Variants in MATN2 observed in about 807,000 individuals in gnomAD.
The protein encoded by MATN2 is matrilin-2.
In MATN2, 69 loss-of-function variants were observed where a neutral mutation model predicts 103.2. The ratio of observed to expected loss-of-function variants is 0.67; its 90% CI spans 0.55 to 0.82. The LOEUF (loss-of-function observed/expected upper bound fraction) is 0.82. Ranked by LOEUF, MATN2 falls within the 40% of genes least tolerant of loss-of-function variation. The pLI, the probability that MATN2 is intolerant of heterozygous loss-of-function variation, is 0.00. For synonymous variants in MATN2, 429 were observed against 450.2 expected, an observed-to-expected ratio of 0.95 and a Z score of 0.60; for missense variants, 1,023 against 1,211.5, an observed-to-expected ratio of 0.84 and a Z score of 2.31.
intron 2 of MATN2, among the ~76,000 whole-genome samples, chr8:97,918,040 G>A (rs1809691285): frequency 6.6e-6 from 1 of 152,140 alleles, no homozygotes; most frequent in Non-Finnish European, 1.5e-5. Flanking sequence ...AGCTGAGACT[G>A]CACCACTGCA....
At chr8:97,881,701 G>A (rs904864878) in intron 1 of MATN2, among the ~76,000 whole-genome samples, 1 of 152,082 alleles carries the variant, frequency 6.6e-6, no homozygotes, top group Admixed American at 6.6e-5. Context: ...TTTCCAGTTA[G>A]AAATGGGTCC....
chr8:98,018,327 T>C (rs963179549), intron 12 of MATN2, among the ~76,000 whole-genome samples: 1 of 152,126 alleles, frequency 6.6e-6, no homozygotes. Flanking sequence ...TTTGGGTTCT[T>C]TGCTTCTCTT....
intron 2 of MATN2, among the ~76,000 whole-genome samples, chr8:97,910,769 TG>T (rs1266324607): frequency 1.3e-5 from 2 of 152,150 alleles, no homozygotes; most frequent in East Asian, 3.9e-4. Flanking sequence ...TGTGTGACCT[TG>T]GGCAAATAAA....
chr8:98,015,157 C>T (rs986592369), intron 10 of MATN2, among the ~76,000 whole-genome samples: 1 of 152,176 alleles, frequency 6.6e-6, no homozygotes, highest in Admixed American at 6.5e-5. Flanking sequence ...TCCATATGGG[C>T]TCTTTGTATT....
chr8:97,938,093 G>A (rs1242751762), intron 3 of MATN2, among the ~76,000 whole-genome samples: 1 of 152,106 alleles, frequency 6.6e-6, no homozygotes, highest in East Asian at 1.9e-4. Context: ...AAGAAGACAG[G>A]CACCAGGTAC....
Position 97,931,363 on chromosome 8 carries a change from C to T in MATN2, c.553C>T (p.Arg185Trp), listed in dbSNP as rs774646380. The T allele has an allele frequency of 2.1e-5, 34 of 1,613,816 alleles. No homozygotes were observed. The East Asian group carries it at 3.8e-4, about 18-fold the overall frequency. The change falls in exon 3 of 19, where the codon CGG becomes TGG. Residue 185 changes from arginine (R) to tryptophan (W), a missense_variant. Coordinates refer to ENST00000254898, the MANE Select transcript of MATN2 (RefSeq NM_002380.5). The surrounding 1 kb of genome is among the most constrained non-coding windows in gnomAD (Gnocchi z 4.1). ...CGTGGCCGAGGTGGCTGCTAAGGCA[C>T]GGGACACGGGCATCCTAATCTTTGC... The part of the protein sequence containing the change: ...DSVAEVAAKA[R>W]DTGILIFAIG...
At chr8:98,029,253 C>T (rs1368262281) in intron 14 of MATN2, among the ~76,000 whole-genome samples, 1 of 152,220 alleles carries the variant, frequency 6.6e-6, no homozygotes, top group Non-Finnish European at 1.5e-5. Context: ...GATTGTAAAA[C>T]TGGCTGTTCA....
intron 3 of MATN2, among the ~76,000 whole-genome samples, chr8:97,938,301 A>G (rs1047269490): frequency 1.3e-5 from 2 of 152,240 alleles, no homozygotes; most frequent in Non-Finnish European, 2.9e-5. Flanking sequence ...ATGCAAATTA[A>G]AAGTGGGATA....
intron 5 of MATN2, among the ~76,000 whole-genome samples, chr8:97,963,262 C>T (rs1232291269): frequency 1.3e-5 from 2 of 152,106 alleles, no homozygotes; most frequent in Non-Finnish European, 2.9e-5. Flanking sequence ...ACTCTGAGTG[C>T]TGTTTGGTCA....
chr8:97,977,464 A>G (rs1196457856), intron 5 of MATN2, among the ~76,000 whole-genome samples: 1 of 151,760 alleles, frequency 6.6e-6, no homozygotes, highest in African/African-American at 2.4e-5. Context: ...AGGGTTTAGG[A>G]CTCCAACATG....
intron 6 of MATN2, among the ~76,000 whole-genome samples, chr8:97,987,873 A>G (rs1812247426): frequency 6.6e-6 from 1 of 152,158 alleles, no homozygotes; most frequent in Non-Finnish European, 1.5e-5. Context: ...AATAGAGATA[A>G]TTGGTAAAAA....
Position 98,007,664 on chromosome 8 carries a change from C to T in MATN2, c.1573+63C>T. ...TTCCGTGGGTGCCGGTGTGGGTGCG[C>T]TGCCGACGTGTATATGTGCCTGTGT... On this transcript the variant is annotated intron_variant, in intron 10 of 18. Transcript: ENST00000254898. The surrounding 1 kb of genome is among the most constrained non-coding windows in gnomAD (Gnocchi z 4.2). 4 of 1,559,872 alleles carry T rather than the reference C, an allele frequency of 2.6e-6. No individual in the cohort carries two copies. Among genetic ancestry groups the T allele is most frequent in the Middle Eastern group, 1.9e-4 (1 of 5,384 alleles).
intron 6 of MATN2, among the ~76,000 whole-genome samples, chr8:97,989,952 C>T (rs1350935085): frequency 2.6e-5 from 4 of 152,020 alleles, no homozygotes; most frequent in African/African-American, 9.7e-5. Flanking sequence ...GAGACCAAAG[C>T]AGGTGGATCA....
chr8:97,953,793 CA>C (rs71271176), intron 4 of MATN2, among the ~76,000 whole-genome samples: 21 of 119,488 alleles, frequency 1.8e-4, no homozygotes, highest in Non-Finnish European at 2.0e-4. Context: ...TCCATCTCAC[CA>C]AAAAAAAAAA....
chr8:97,904,338 C>T (rs1222321397), intron 2 of MATN2, among the ~76,000 whole-genome samples: 2 of 152,136 alleles, frequency 1.3e-5, no homozygotes, highest in African/African-American at 4.8e-5. Flanking sequence ...TTGATATTTT[C>T]CTTGAATGTT....
At chr8:97,882,393 CT>C (rs1025131507) in intron 1 of MATN2, among the ~76,000 whole-genome samples, 9 of 151,598 alleles carry the variant, frequency 5.9e-5, no homozygotes, top group African/African-American at 1.9e-4. Context: ...GATTTTCTTT[CT>C]TTTTTTCTTT....
At chr8:98,017,003 A>C (rs1000155868) in intron 11 of MATN2, among the ~76,000 whole-genome samples, 3 of 152,168 alleles carry the variant, frequency 2.0e-5, no homozygotes, top group Admixed American at 1.3e-4. Flanking sequence ...CGTAAATCTA[A>C]AACTGTCCTA....
intron 10 of MATN2, among the ~76,000 whole-genome samples, chr8:98,013,839 T>C (rs1161023384): frequency 6.6e-6 from 1 of 152,222 alleles, no homozygotes; most frequent in South Asian, 2.1e-4. Context: ...TAAGGTGTGG[T>C]GGCTCATGCC....
At chr8:97,971,491 A>G (rs963999367) in intron 5 of MATN2, among the ~76,000 whole-genome samples, 5 of 152,316 alleles carry the variant, frequency 3.3e-5, no homozygotes, top group African/African-American at 1.2e-4. Flanking sequence ...TCCGTATTCA[A>G]TGGTGGATTG....
Sources: allele counts gnomAD v4.1 joint callset (sites outside exome capture counted in the v4.1 genomes callset), GRCh38; gene constraint gnomAD v4.1.1; non-coding constraint Gnocchi (gnomAD v3.1); transcripts MANE v1.5; gene names NCBI Gene and HGNC (gene_info 2026-07-23, HGNC 2026-07-21).